The following KIR2DL1 variants were observed in gnomAD, a reference collection of about 807,000 sequenced individuals.
KIR2DL1 encodes killer cell immunoglobulin like receptor, two Ig domains and long cytoplasmic tail 1.
A neutral mutation model predicts 33.9 loss-of-function variants in KIR2DL1; 38 were observed. The ratio of observed to expected loss-of-function variants is 1.12; its 90% CI spans 0.86 to 1.47. The LOEUF (loss-of-function observed/expected upper bound fraction) is 1.47, where lower values mean the gene tolerates loss of function less well. KIR2DL1 is among the 40% of genes most tolerant of loss of function. KIR2DL1 has a pLI of 0.00. For synonymous variants in KIR2DL1, 179 were observed against 165.9 expected, an observed-to-expected ratio of 1.08 and a Z score of -0.61; for missense variants, 531 against 433.9, an observed-to-expected ratio of 1.22 and a Z score of -1.99.
At chr19:54,773,258 G>C (rs1231815337) in intron 2 of KIR2DL1, 75 bp from the exon 3 acceptor site, 2 of 1,449,094 alleles carry the variant, frequency 1.4e-6, no homozygotes, top group East Asian at 4.6e-5. Flanking sequence ...GGAAGGGGAA[G>C]CCTGACTCAA....
Position 54,783,410 on chromosome 19 carries a change from T to A in KIR2DL1, c.818-76T>A, listed in dbSNP as rs1485463849. ...CTCAGCCACCTATGGTCTCCCCCTG[T>A]ATGTTGGTATCTGCTTATGAAATGA... On this transcript the variant is annotated intron_variant, in intron 6 of 7. Transcript: ENST00000336077. The A allele has an allele frequency of 2.0e-6, 3 of 1,518,494 alleles. No homozygotes were observed. The East Asian group carries it at 6.7e-5, about 34-fold the overall frequency. 94.1% of individuals were successfully genotyped at this position (1,518,494 alleles called of 1,614,324 possible). A position where few individuals can be genotyped will look rare whatever the true frequency, so the allele number is the denominator to read the frequency against.
intron 5 of KIR2DL1, among the ~76,000 whole-genome samples, chr19:54,779,857 A>G (rs2076760780): frequency 7.3e-6 from 1 of 137,082 alleles, no homozygotes; most frequent in African/African-American, 2.8e-5. Context: ...CTATAAATGA[A>G]TGGTCCATTG....
intron 2 of KIR2DL1, among the ~76,000 whole-genome samples, chr19:54,772,200 A>C (rs1357460129): frequency 1.4e-5 from 2 of 147,630 alleles, no homozygotes; most frequent in African/African-American, 4.9e-5. Context: ...TGATGGGCTC[A>C]GTGTAGTCAC....
Position 54,773,354 on chromosome 19 carries a change from T to C in KIR2DL1, c.92T>C (p.Leu31Pro), listed in dbSNP as rs2075970845. The C allele has an allele frequency of 2.5e-6, 4 of 1,599,224 alleles. No individual in the cohort carries two copies. The highest frequency in any genetic ancestry group is 2.2e-5 in the East Asian group (1 of 44,610). ...PHEGVHRKPS[L>P]LAHPGRLVKS... ...CTAGGAGTCCACAGAAAACCTTCCC[T>C]CCTGGCCCACCCAGGTCGCCTGGTG... Residue 31 changes from leucine to proline, a missense_variant, in exon 3 of 8, where the codon CTC (leucine) becomes CCC (proline). Coordinates refer to ENST00000336077, the MANE Select transcript of KIR2DL1 (RefSeq NM_014218.3).
chr19:54,772,087 A>C (rs2147431901), intron 2 of KIR2DL1, among the ~76,000 whole-genome samples: 1 of 148,232 alleles, frequency 6.7e-6, no homozygotes, highest in Non-Finnish European at 1.5e-5. Context: ...TAATCCCTGG[A>C]GTCTGTGACT....
intron 4 of KIR2DL1, among the ~76,000 whole-genome samples, chr19:54,777,279 C>T (rs1257303229): frequency 2.0e-5 from 3 of 148,724 alleles, no homozygotes; most frequent in African/African-American, 7.4e-5. Flanking sequence ...TTAGTAGAGA[C>T]AGCGTTTCTC....
intron 5 of KIR2DL1, among the ~76,000 whole-genome samples, chr19:54,781,960 C>T (rs2077008633): frequency 6.6e-6 from 1 of 152,094 alleles, no homozygotes; most frequent in African/African-American, 2.4e-5. Flanking sequence ...ATTCCTATCA[C>T]TCACCGTCAC....
At chr19:54,779,364 G>T (rs1418807035) in intron 5 of KIR2DL1, among the ~76,000 whole-genome samples, 2 of 148,968 alleles carry the variant, frequency 1.3e-5, no homozygotes, top group African/African-American at 4.9e-5. Flanking sequence ...GCACGAATCT[G>T]CTTCTCACTT....
rs1448969270 is a variant in KIR2DL1, at chr19:54,775,424, AAAGTC to A, written c.635_639del (p.Ser212Ter). ...TCCATGACTCTCCATACGAGTGGTC[AAAGTC>A]AAGTGACCCACTGCTTGTTTCTGTC... On this transcript the variant is annotated frameshift_variant, in exon 4 of 8. Transcript: ENST00000336077. LOFTEE classifies it high-confidence loss of function. 2 of 1,584,818 alleles carry A rather than the reference AAAGTC, an allele frequency of 1.3e-6. No individual in the cohort carries two copies. The highest frequency in any genetic ancestry group is 3.4e-5 in the Admixed American group (2 of 58,828).
intron 1 of KIR2DL1, among the ~76,000 whole-genome samples, chr19:54,770,435 T>A (rs368551375): frequency 7.4e-6 from 1 of 134,696 alleles, no homozygotes; most frequent in Non-Finnish European, 1.6e-5. Context: ...GGTGTGGAGA[T>A]ATGGGACTGG....
At chr19:54,772,402 T>C (rs1227036420) in intron 2 of KIR2DL1, among the ~76,000 whole-genome samples, 4 of 145,626 alleles carry the variant, frequency 2.7e-5, no homozygotes, top group South Asian at 2.2e-4. Flanking sequence ...GCCTTGATTT[T>C]ACCCACGACA....
chr19:54,780,416 G>A (rs2076808608), intron 5 of KIR2DL1, among the ~76,000 whole-genome samples: 1 of 135,906 alleles, frequency 7.4e-6, no homozygotes. Flanking sequence ...TCAAATGCTG[G>A]GAATGAGGTG....
chr19:54,775,834 C>A (rs1329120338), intron 4 of KIR2DL1, among the ~76,000 whole-genome samples: 5 of 149,004 alleles, frequency 3.4e-5, no homozygotes, highest in African/African-American at 1.2e-4. Context: ...CCCCTACACC[C>A]TTTACTTTTC....
intron 2 of KIR2DL1, among the ~76,000 whole-genome samples, chr19:54,772,432 C>G (rs2075843786): frequency 2.1e-5 from 3 of 146,036 alleles, no homozygotes; most frequent in African/African-American, 7.6e-5. Context: ...CGATTTCTGT[C>G]TCCAGAATTG....
chr19:54,773,267 A>T (rs2075960491), intron 2 of KIR2DL1, 66 bp from the exon 3 acceptor site: 6 of 1,480,952 alleles, frequency 4.1e-6, no homozygotes, highest in African/African-American at 2.8e-5. Context: ...AGCCTGACTC[A>T]ATCCAGGTGC....
At chr19:54,771,744 C>T (rs1470015138) in intron 2 of KIR2DL1, among the ~76,000 whole-genome samples, 3 of 148,288 alleles carry the variant, frequency 2.0e-5, no homozygotes, top group East Asian at 1.9e-4. Flanking sequence ...GTGCCTGTCC[C>T]TGAGCTCTAC....
intron 4 of KIR2DL1, among the ~76,000 whole-genome samples, chr19:54,777,160 G>A (rs878877618): frequency 5.3e-5 from 8 of 150,408 alleles, no homozygotes; most frequent in African/African-American, 1.5e-4. Context: ...GCGCTATCTC[G>A]GCTCACCACA....
At chr19:54,773,976 C>T (rs2076055062) in intron 3 of KIR2DL1, among the ~76,000 whole-genome samples, 1 of 148,862 alleles carries the variant, frequency 6.7e-6, no homozygotes, top group African/African-American at 2.5e-5. Flanking sequence ...TTTACCTCCA[C>T]AAAGTGTTCT....
rs1293745871 is a variant in KIR2DL1, at chr19:54,770,959, G to C, written c.70+75G>C. 5.2e-6 allele frequency: 8 copies of C among 1,543,400 alleles called. 1 individual carries two copies. The highest frequency in any genetic ancestry group is 3.6e-6 in the Non-Finnish European group (4 of 1,121,486). ...TTTCCTGAAATGGGAGGGAAGTCCT[G>C]TCAGGGAGTCTCTCATAAACTAGGA... On this transcript the variant is annotated intron_variant, in intron 2 of 7. Transcript: ENST00000336077.
Sources: allele counts gnomAD v4.1 joint callset (sites outside exome capture counted in the v4.1 genomes callset), GRCh38; gene constraint gnomAD v4.1.1; transcripts MANE v1.5; gene names NCBI Gene and HGNC (gene_info 2026-07-23, HGNC 2026-07-21).